The following GABRA3 variants were observed in gnomAD, a reference collection of about 807,000 sequenced individuals.
GABRA3 encodes gamma-aminobutyric acid type A receptor subunit alpha3, also known as gamma-aminobutyric acid receptor subunit alpha-3.
Under a neutral mutation model 30.1 loss-of-function variants are expected in GABRA3, and 10 were observed. The observed-to-expected ratio is 0.33, with a 90% CI of 0.20 to 0.56. The LOEUF (loss-of-function observed/expected upper bound fraction) is 0.56, where lower values mean the gene tolerates loss of function less well. Ranked by LOEUF, GABRA3 falls within the 20% of genes least tolerant of loss-of-function variation. The probability of loss-of-function intolerance (pLI) is 0.89; values close to 1 mark genes in which losing one functional copy is unlikely to be tolerated. For synonymous variants in GABRA3, 151 were observed against 146.8 expected, an observed-to-expected ratio of 1.03 and a Z score of -0.21; for missense variants, 233 against 392.0, an observed-to-expected ratio of 0.59 and a Z score of 3.42.
chrX:152,248,945 A>G (rs112110744), intron 5 of GABRA3, among the ~76,000 whole-genome samples: 4 of 111,862 alleles, frequency 3.6e-5, no homozygotes, highest in African/African-American at 1.3e-4. Flanking sequence ...ACAATTTTAT[A>G]TGTCAATCAA....
At chrX:152,341,783 A>ACCTGC (rs1301231442) in intron 3 of GABRA3, among the ~76,000 whole-genome samples, 1 of 110,334 alleles carries the variant, frequency 9.1e-6, no homozygotes, top group African/African-American at 3.3e-5. Flanking sequence ...CTTGTGATCT[A>ACCTGC]CCTGCCTCGG....
chrX:152,205,294 C>G (rs1171726449), intron 7 of GABRA3, among the ~76,000 whole-genome samples: 2 of 111,414 alleles, frequency 1.8e-5, no homozygotes, highest in Non-Finnish European at 1.9e-5. Context: ...CCTTTCAGAA[C>G]AGCAGTTTGT....
intron 5 of GABRA3, among the ~76,000 whole-genome samples, chrX:152,231,654 A>G (rs1339809044): frequency 9.0e-6 from 1 of 111,411 alleles, no homozygotes; most frequent in Non-Finnish European, 1.9e-5. Flanking sequence ...TCTAATTCTT[A>G]CTTTAATTAC....
At chrX:152,227,078 C>T (rs1285198410) in intron 5 of GABRA3, among the ~76,000 whole-genome samples, 1 of 110,235 alleles carries the variant, frequency 9.1e-6, no homozygotes, top group East Asian at 2.9e-4. Flanking sequence ...AAGACACATG[C>T]ACACGTATGT....
At chrX:152,301,397 T>C (rs1569389273) in intron 3 of GABRA3, among the ~76,000 whole-genome samples, 6 of 112,199 alleles carry the variant, frequency 5.3e-5, no homozygotes. Flanking sequence ...AATAATGTCA[T>C]GGGGAAATTA....
chrX:152,294,345 A>G (rs1355755979), intron 3 of GABRA3, among the ~76,000 whole-genome samples: 3 of 110,405 alleles, frequency 2.7e-5, no homozygotes, highest in African/African-American at 9.9e-5. Context: ...TTTTTTCTCT[A>G]AACTTCTCTT....
At chrX:152,255,466 T>G (rs1938621453) in intron 5 of GABRA3, among the ~76,000 whole-genome samples, 1 of 111,693 alleles carries the variant, frequency 9.0e-6, no homozygotes, top group Non-Finnish European at 1.9e-5. Context: ...TGTATTTAAG[T>G]GTCCTTGAAT....
chrX:152,195,269 C>T (rs1010681299), intron 8 of GABRA3, among the ~76,000 whole-genome samples: 1 of 111,635 alleles, frequency 9.0e-6, no homozygotes, highest in Non-Finnish European at 1.9e-5. Context: ...TCACACAAAG[C>T]CCAGGCCAAA....
chrX:152,228,955 G>A (rs1257981003), intron 5 of GABRA3, among the ~76,000 whole-genome samples: 2 of 110,800 alleles, frequency 1.8e-5, no homozygotes, highest in Admixed American at 9.7e-5. Flanking sequence ...CTATTCCAGA[G>A]GATTATCACT....
chrX:152,268,343 T>C lies in GABRA3; in HGVS notation c.331-12345A>G, dbSNP rs1334500453. On this transcript the variant is annotated intron_variant, in intron 4 of 9. Transcript: ENST00000370314. ...GGGGTGGGTTTTTCCCATGCTGTTC[T>C]CCTGATAGTGAATAAGTTTCATGAG... Among the ~76,000 whole-genome samples the C allele has an allele frequency of 2.7e-5, 3 of 111,875 alleles. No individual in the cohort carries two copies. The East Asian group carries it at 8.5e-4, about 32-fold the overall frequency.
At position 152,223,136 on chromosome X, in the gene GABRA3, C is replaced by G. The variant is rs192968123; in HGVS notation, c.634+1627G>C. ...TCCAAGGCCAGAACTGGCAAATGCC[C>G]CCAGAGTTGAAAAAGCTGTAGATCA... On this transcript the variant is annotated intron_variant, in intron 6 of 9. Transcript: ENST00000370314. Among the ~76,000 whole-genome samples, 191 of 111,527 alleles carry G rather than the reference C, an allele frequency of 1.7e-3. 1 individual carries two copies. The highest frequency in any genetic ancestry group is 6.0e-3 in the African/African-American group (186 of 30,776).
intron 1 of GABRA3, among the ~76,000 whole-genome samples, chrX:152,374,516 G>T (rs2124502997): frequency 9.2e-6 from 1 of 108,483 alleles, no homozygotes; most frequent in Admixed American, 9.9e-5. Flanking sequence ...ACACCTGGCT[G>T]ATTTTTCGTA....
chrX:152,211,683 G>A (rs1481352479), intron 6 of GABRA3, among the ~76,000 whole-genome samples: 1 of 111,958 alleles, frequency 8.9e-6, no homozygotes, highest in African/African-American at 3.2e-5. Context: ...TGGGGAGACA[G>A]AGAAAGCACA....
intron 6 of GABRA3, among the ~76,000 whole-genome samples, chrX:152,212,916 T>C: frequency 9.0e-6 from 1 of 110,914 alleles, no homozygotes; most frequent in Non-Finnish European, 1.9e-5. Flanking sequence ...TTCTCTCCTA[T>C]AAAACTGCCC....
chrX:152,229,578 C>G (rs963192812), intron 5 of GABRA3, among the ~76,000 whole-genome samples: 3 of 110,108 alleles, frequency 2.7e-5, no homozygotes, highest in African/African-American at 9.9e-5. Flanking sequence ...GAAGGGGTAG[C>G]AGTGCAAAGG....
Position 152,285,898 on chromosome X carries a change from T to C in GABRA3, c.263-1163A>G, listed in dbSNP as rs191910074. 3.5e-4 allele frequency among the ~76,000 whole-genome samples: 38 copies of C among 107,424 alleles called. No homozygotes were observed. In the East Asian group the frequency reaches 9.8e-3, roughly 28 times the overall value. The allele number at this position is 107,424 out of a possible 115,157, so 93.3% of individuals were successfully genotyped here. Reference sequence around the variant, plus strand: ...ACTGCTTAGTACTATCTTAATACTATAGTATTAAGTACTATATAGTACTTA... The same window carrying C: ...ACTGCTTAGTACTATCTTAATACTACAGTATTAAGTACTATATAGTACTTA... On this transcript the variant is annotated intron_variant, in intron 3 of 9. Transcript: ENST00000370314.
intron 5 of GABRA3, among the ~76,000 whole-genome samples, chrX:152,235,953 ATTTCTT>A (rs1165538491): frequency 1.3e-5 from 1 of 74,858 alleles, no homozygotes; most frequent in Admixed American, 1.4e-4. Flanking sequence ...GCACTATTTG[ATTTCTT>A]TTTTTTTTTT....
intron 6 of GABRA3, among the ~76,000 whole-genome samples, chrX:152,212,951 A>G (rs1937650997): frequency 9.0e-6 from 1 of 110,840 alleles, no homozygotes; most frequent in Non-Finnish European, 1.9e-5. Context: ...CAATCATTCT[A>G]TTTCCATAGA....
intron 2 of GABRA3, among the ~76,000 whole-genome samples, chrX:152,348,033 T>A (rs944206788): frequency 3.6e-5 from 4 of 111,685 alleles, no homozygotes; most frequent in Non-Finnish European, 7.5e-5. Context: ...CAATGCTAAA[T>A]ATCACCCCCA....
Sources: gnomAD v4.1 joint callset for allele counts (sites outside exome capture counted in the v4.1 genomes callset) on GRCh38, gnomAD v4.1.1 for gene constraint, MANE v1.5 for transcripts, NCBI Gene and HGNC (gene_info 2026-07-23, HGNC 2026-07-21) for gene names.